The following FBXL13 variants were observed in gnomAD, a reference collection of about 807,000 sequenced individuals.
FBXL13 encodes the protein F-box and leucine rich repeat protein 13.
Under a neutral mutation model 83.6 loss-of-function variants are expected in FBXL13, and 67 were observed. That is an observed-to-expected ratio of 0.80 (90% confidence interval 0.66 to 0.98). The LOEUF (loss-of-function observed/expected upper bound fraction) is 0.98. Among genes scored for constraint, FBXL13 ranks in the 50% least tolerant of loss-of-function variants. The probability of loss-of-function intolerance (pLI) is 0.00; values close to 1 mark genes in which losing one functional copy is unlikely to be tolerated. For missense variants in FBXL13, 822 were observed against 866.5 expected (o/e 0.95, Z 0.64); for synonymous variants, 272 against 299.5 (o/e 0.91, Z 0.95).
intron 11 of FBXL13, among the ~76,000 whole-genome samples, chr7:102,891,156 T>C (rs1164500171): frequency 3.3e-5 from 5 of 152,188 alleles, no homozygotes; most frequent in Non-Finnish European, 5.9e-5. Context: ...CCATGTCCTC[T>C]ATAGGGACAG....
chr7:103,018,877 G>C (rs1409710688), intron 6 of FBXL13, among the ~76,000 whole-genome samples: 1 of 151,784 alleles, frequency 6.6e-6, no homozygotes, highest in Non-Finnish European at 1.5e-5. Flanking sequence ...AATAATAATG[G>C]GAGACTTTAA....
chr7:102,868,591 T>C (rs553932501), intron 16 of FBXL13, among the ~76,000 whole-genome samples: 75 of 152,368 alleles, frequency 4.9e-4, no homozygotes, highest in African/African-American at 1.8e-3. Context: ...ATTGTATATA[T>C]TGGCTGCAGT....
chr7:102,917,621 G>T (rs1816163065), intron 10 of FBXL13, among the ~76,000 whole-genome samples: 1 of 152,202 alleles, frequency 6.6e-6, no homozygotes, highest in Non-Finnish European at 1.5e-5. Context: ...GGAGTTAAGG[G>T]CTTCTCTTGG....
chr7:102,963,333 G>A (rs2129479602), intron 8 of FBXL13, among the ~76,000 whole-genome samples, 200 bp downstream of exon 9: 1 of 150,608 alleles, frequency 6.6e-6, no homozygotes, highest in Non-Finnish European at 1.5e-5. Flanking sequence ...AAAAAAAAAA[G>A]AATAGACAAA....
At chr7:102,919,467 T>C (rs80000554) in intron 10 of FBXL13, among the ~76,000 whole-genome samples, 2,210 of 152,328 alleles carry the variant, frequency 0.015, 49 homozygotes, top group African/African-American at 0.049. Context: ...AAATATATTT[T>C]AGTGTTCAAA....
At chr7:102,817,759 G>A (rs921553093) in intron 19 of FBXL13, among the ~76,000 whole-genome samples, 1 of 152,048 alleles carries the variant, frequency 6.6e-6, no homozygotes, top group African/African-American at 2.4e-5. Flanking sequence ...GTATTCTTAG[G>A]AACCACTGTG....
At position 102,822,546 on chromosome 7, in the gene FBXL13, C is replaced by T. The variant is rs1460103737; in HGVS notation, c.1855-343G>A. ...TTATGACCTCTTCTAAATCTGTTTACTCCCAAAGGCCCCACTTTCTATTAC... is the reference window on the plus strand; with the variant it reads ...TTATGACCTCTTCTAAATCTGTTTATTCCCAAAGGCCCCACTTTCTATTAC... On this transcript the variant is annotated intron_variant, in intron 18 of 19. Transcript: ENST00000313221. 5.1e-5 allele frequency: 23 copies of T among 446,760 alleles called. 1 individual carries two copies. Among genetic ancestry groups the T allele is most frequent in the South Asian group, 3.7e-4 (22 of 60,064 alleles). 27.7% of individuals were successfully genotyped at this position (446,760 alleles called of 1,614,324 possible).
Position 102,968,136 on chromosome 7 carries a change from A to G in FBXL13, c.496-19T>C. ...AGAAAATCTAAACACAAAGAAAAATACACAACTTTGAAAAATGTGAACTTT... is the reference window on the plus strand; with the variant it reads ...AGAAAATCTAAACACAAAGAAAAATGCACAACTTTGAAAAATGTGAACTTT... On this transcript the variant is annotated intron_variant, in intron 6 of 19. Coordinates refer to ENST00000313221, the Ensembl canonical transcript of FBXL13. 6.4e-7 allele frequency: 1 copy of G among 1,552,598 alleles called. No homozygotes were observed. The highest frequency in any genetic ancestry group is 1.8e-4 in the Middle Eastern group (1 of 5,710).
At position 102,845,191 on chromosome 7, in the gene FBXL13, C is replaced by A. The variant is rs114622953; in HGVS notation, c.1719+9586G>T. Among the ~76,000 whole-genome samples, 899 of 152,268 alleles carry A rather than the reference C, an allele frequency of 5.9e-3. 9 individuals carry two copies. Among genetic ancestry groups the A allele is most frequent in the African/African-American group, 0.02 (833 of 41,552 alleles). On this transcript the variant is annotated intron_variant, in intron 17 of 19. Transcript: ENST00000313221. Reference sequence around the variant, plus strand: ...GAATGGAGCAGAAAGTTCCAAGATTCTAATCGTGGCCTGGCCTTTCTCATG... The same window carrying A: ...GAATGGAGCAGAAAGTTCCAAGATTATAATCGTGGCCTGGCCTTTCTCATG...
intron 10 of FBXL13, among the ~76,000 whole-genome samples, chr7:102,922,465 A>T (rs2129471081): frequency 6.6e-6 from 1 of 152,284 alleles, no homozygotes; most frequent in South Asian, 2.1e-4. Flanking sequence ...TTCCAAAAAA[A>T]GTATGCATAT....
chr7:102,998,693 G>A (rs776481022), intron 6 of FBXL13, among the ~76,000 whole-genome samples: 25 of 152,096 alleles, frequency 1.6e-4, no homozygotes, highest in South Asian at 4.1e-4. Context: ...TAGGTTGGGC[G>A]CAGTGGCTCC....
At chr7:103,014,316 C>T (rs1791995004) in intron 6 of FBXL13, among the ~76,000 whole-genome samples, 1 of 152,090 alleles carries the variant, frequency 6.6e-6, no homozygotes, top group Non-Finnish European at 1.5e-5. Flanking sequence ...GATCACACTA[C>T]TGCACTCCAG....
chr7:102,831,394 GACACACACACACACACACACACACAC>G (rs3045618), intron 18 of FBXL13, among the ~76,000 whole-genome samples: 33 of 141,654 alleles, frequency 2.3e-4, no homozygotes, highest in Non-Finnish European at 4.3e-4. Context: ...CAGTGCCCGG[GACACACACACACACACACACACACAC>G]ACACACACAC....
chr7:103,050,108 A>C (rs974971760), intron 2 of FBXL13: 1 of 152,246 alleles, frequency 6.6e-6, no homozygotes, highest in Admixed American at 6.5e-5. Flanking sequence ...TTTATGACAG[A>C]ACAATACAGA....
rs758963966 is a variant in FBXL13, at chr7:102,832,994, CA to C, written c.1720-21del. ...GAATGCCTGCAAAAAATTCCAAGGTCAAATTTTTTCTTTTCTTTAGTCATCT... is the reference window on the plus strand; with the variant it reads ...GAATGCCTGCAAAAAATTCCAAGGTCAATTTTTTCTTTTCTTTAGTCATCT... On this transcript the variant is annotated intron_variant, in intron 17 of 19. Coordinates refer to ENST00000313221, the Ensembl canonical transcript of FBXL13. The C allele has an allele frequency of 4.3e-6, 7 of 1,613,330 alleles. No homozygotes were observed. The South Asian group carries it at 5.5e-5, about 13-fold the overall frequency.
At chr7:102,852,947 A>G (rs1045976192) in intron 17 of FBXL13, among the ~76,000 whole-genome samples, 9 of 152,242 alleles carry the variant, frequency 5.9e-5, no homozygotes, top group African/African-American at 2.2e-4. Context: ...CCAAATGTCC[A>G]TCAATCAATG....
intron 10 of FBXL13, among the ~76,000 whole-genome samples, chr7:102,914,334 A>C (rs1404497872): frequency 3.3e-5 from 5 of 152,190 alleles, no homozygotes; most frequent in African/African-American, 1.2e-4. Flanking sequence ...TGGCCTCCCA[A>C]AGTGCTCGGA....
At chr7:102,939,679 G>A (rs954493936) in intron 8 of FBXL13, 2 of 1,086,928 alleles carry the variant, frequency 1.8e-6, no homozygotes, top group Middle Eastern at 2.1e-4. Context: ...CAGTTTAAAA[G>A]TAACTGAACT....
At chr7:103,012,234 G>A (rs901480580) in intron 6 of FBXL13, among the ~76,000 whole-genome samples, 1 of 152,130 alleles carries the variant, frequency 6.6e-6, no homozygotes, top group African/African-American at 2.4e-5. Context: ...AATTAGCCGG[G>A]CGTGGTGGCA....
Sources: allele counts gnomAD v4.1 joint callset (sites outside exome capture counted in the v4.1 genomes callset), GRCh38; gene constraint gnomAD v4.1.1; transcripts MANE v1.5; gene names NCBI Gene and HGNC (gene_info 2026-07-23, HGNC 2026-07-21).